POU6F1: variants seen among roughly 807,000 people sequenced by gnomAD.
POU6F1 encodes the protein POU class 6 homeobox 1, also known as POU domain, class 6, transcription factor 1.
A neutral mutation model predicts 28.9 loss-of-function variants in POU6F1; 9 were observed. The observed-to-expected ratio is 0.31, with a 90% confidence interval of 0.19 to 0.54. POU6F1 has a LOEUF of 0.54. POU6F1 is among the 20% of genes least tolerant of loss of function. POU6F1 has a pLI of 0.94. For missense variants in POU6F1, 338 were observed against 426.1 expected (o/e 0.79, Z 1.82); for synonymous variants, 173 against 171.1 (o/e 1.01, Z -0.09).
At chr12:51,213,798 C>T (rs1283803886) in intron 1 of POU6F1, among the ~76,000 whole-genome samples, 1 of 150,568 alleles carries the variant, frequency 6.6e-6, no homozygotes, top group African/African-American at 2.4e-5. Flanking sequence ...TCCCAAAGTT[C>T]TGGGATTACA....
In POU6F1 at chr12:51,187,797, T is replaced by G. The variant is rs1942120237; in HGVS notation, c.*2450A>C. ...CATCATGACACAGGACAGATGGTGT[T>G]CCCCTGCACGTCCACCACCACAGAC... On this transcript the variant is annotated 3_prime_UTR_variant, in exon 11 of 11. Coordinates refer to ENST00000333640, the MANE Select transcript of POU6F1 (RefSeq NM_001330422.2). The G allele has an allele frequency of 6.6e-6, 1 of 152,106 alleles. No individual in the cohort carries two copies. Among genetic ancestry groups the G allele is most frequent in the Non-Finnish European group, 1.5e-5 (1 of 68,026 alleles). 9.4% of individuals were successfully genotyped at this position (152,106 alleles called of 1,614,324 possible).
At chr12:51,197,656 G>A in intron 6 of POU6F1, 114 bp downstream of exon 6, 1 of 398,242 alleles carries the variant, frequency 2.5e-6, no homozygotes, top group Non-Finnish European at 4.4e-6. Context: ...TGATGTGTTG[G>A]AAAAGGGCTG....
At chr12:51,201,218 C>A (rs1943184740) in intron 3 of POU6F1, among the ~76,000 whole-genome samples, 2 of 152,176 alleles carry the variant, frequency 1.3e-5, no homozygotes, top group Admixed American at 1.3e-4. Context: ...AAGGCGTCAA[C>A]CTCAACTCAG....
chr12:51,205,640 G>T (rs992617370), intron 2 of POU6F1, among the ~76,000 whole-genome samples: 3 of 152,160 alleles, frequency 2.0e-5, no homozygotes, highest in African/African-American at 7.2e-5. Flanking sequence ...CACACTCTTT[G>T]AGCCTGAAAG....
chr12:51,191,583 C>T lies in POU6F1; in HGVS notation c.1490+13G>A, dbSNP rs766245095. On this transcript the variant is annotated intron_variant, in intron 10 of 10. Coordinates refer to ENST00000333640, the MANE Select transcript of POU6F1 (RefSeq NM_001330422.2). The stretch of plus-strand genomic sequence containing the variant: ...GAGCAGGCCCTAATCCTGTCTAGGG[C>T]AGCCTTACTCACCGGCAGATGGCTG... 1 of 1,611,280 alleles carries T rather than the reference C, an allele frequency of 6.2e-7. No individual in the cohort carries two copies. The highest frequency in any genetic ancestry group is 1.1e-5 in the South Asian group (1 of 90,954).
chr12:51,212,179 C>T (rs1030655670), intron 1 of POU6F1, among the ~76,000 whole-genome samples: 20 of 151,938 alleles, frequency 1.3e-4, no homozygotes, highest in Non-Finnish European at 2.6e-4. Flanking sequence ...CCGCAACCTC[C>T]GCCTCCCGGG....
rs1942138310 is a variant in POU6F1, at chr12:51,188,000, C to T, written c.*2247G>A. The stretch of plus-strand genomic sequence containing the variant: ...CCAGGCTGGAGTGAAGTAGTGTGAT[C>T]TCAGCTCATTGCAACCTCCAGGGTT... On this transcript the variant is annotated 3_prime_UTR_variant, in exon 11 of 11. Coordinates refer to ENST00000333640, the MANE Select transcript of POU6F1 (RefSeq NM_001330422.2). 6.6e-6 allele frequency: 1 copy of T among 152,312 alleles called. No individual in the cohort carries two copies. Among genetic ancestry groups the T allele is most frequent in the Non-Finnish European group, 1.5e-5 (1 of 68,040 alleles). The allele number at this position is 152,312 out of a possible 1,614,324, so 9.4% of individuals were successfully genotyped here. A position where few individuals can be genotyped will look rare whatever the true frequency, so the allele number is the denominator to read the frequency against.
chr12:51,215,555 CAAAAAA>C (rs11415220), intron 1 of POU6F1, among the ~76,000 whole-genome samples: 6 of 88,612 alleles, frequency 6.8e-5, no homozygotes, highest in African/African-American at 1.4e-4. Context: ...AACCCTGTCT[CAAAAAA>C]AAAAAAAAAA....
chr12:51,215,647 C>T (rs952555535), intron 1 of POU6F1, among the ~76,000 whole-genome samples: 2 of 151,992 alleles, frequency 1.3e-5, no homozygotes, highest in East Asian at 1.9e-4. Flanking sequence ...CTAAAGCGCC[C>T]GTCTAATTTC....
At chr12:51,209,925 C>T (rs1367489570) in intron 1 of POU6F1, among the ~76,000 whole-genome samples, 1 of 152,060 alleles carries the variant, frequency 6.6e-6, no homozygotes, top group East Asian at 1.9e-4. Context: ...CTCAATGGGG[C>T]TCTAGCCTCC....
intron 8 of POU6F1, among the ~76,000 whole-genome samples, chr12:51,193,443 G>C (rs559191971): frequency 1.3e-5 from 2 of 152,254 alleles, no homozygotes; most frequent in Admixed American, 1.3e-4. Flanking sequence ...AGGCGTGGTG[G>C]CACGCACCTA....
chr12:51,215,510 C>T (rs764276529), intron 1 of POU6F1, among the ~76,000 whole-genome samples: 1 of 144,034 alleles, frequency 6.9e-6, no homozygotes, highest in East Asian at 2.1e-4. Flanking sequence ...AGACCAAGAT[C>T]GCGCCACTGC....
chr12:51,198,476 C>T (rs993462764), intron 5 of POU6F1, 74 bp downstream of exon 5: 2 of 398,516 alleles, frequency 5.0e-6, no homozygotes, highest in Admixed American at 8.8e-5. Context: ...CTGAGTCCGA[C>T]ATGGCAAGCA....
At position 51,216,178 on chromosome 12, in the gene POU6F1, A is replaced by C. The variant is rs1351341322; in HGVS notation, c.-48+1464T>G. Among the ~76,000 whole-genome samples, 3 of 152,100 alleles carry C rather than the reference A, an allele frequency of 2.0e-5. No homozygotes were observed. The East Asian group carries it at 5.8e-4, about 29-fold the overall frequency. ...ACTAAGATACAAAAAAATCAGCTAG[A>C]CTCTGTCTCAAAAAAAAGAAAATGT... On this transcript the variant is annotated intron_variant, in intron 1 of 10. Transcript: ENST00000333640.
rs1942287000 is a variant in POU6F1 at position 51,190,094 on chromosome 12, G to A, written c.*153C>T. On this transcript the variant is annotated 3_prime_UTR_variant, in exon 11 of 11. Coordinates refer to ENST00000333640, the MANE Select transcript of POU6F1 (RefSeq NM_001330422.2). This position sits in a 1 kb window ranked among gnomAD's most constrained non-coding sequence, Gnocchi z 4.5. ...ATGTGAGATGTGTGGGAGAAAAGAG[G>A]GACATTGATGCACATGCACACGGTG... The A allele has an allele frequency of 7.6e-7, 1 of 1,323,082 alleles. No homozygotes were observed. Among genetic ancestry groups the A allele is most frequent in the East Asian group, 2.5e-5 (1 of 39,496 alleles). 82.0% of individuals were successfully genotyped at this position (1,323,082 alleles called of 1,614,324 possible).
chr12:51,194,486 C>T (rs1942670009), intron 8 of POU6F1, among the ~76,000 whole-genome samples: 1 of 151,836 alleles, frequency 6.6e-6, no homozygotes, highest in African/African-American at 2.4e-5. Flanking sequence ...ACAAAACATA[C>T]AAAAATTAGC....
chr12:51,197,291 G>A (rs1942898970), intron 6 of POU6F1, among the ~76,000 whole-genome samples: 1 of 152,114 alleles, frequency 6.6e-6, no homozygotes, highest in African/African-American at 2.4e-5. Context: ...GCAGGGAAGG[G>A]CAGGGCCACA....
intron 1 of POU6F1, among the ~76,000 whole-genome samples, chr12:51,213,850 A>G (rs905602917): frequency 6.6e-6 from 1 of 151,876 alleles, no homozygotes; most frequent in Non-Finnish European, 1.5e-5. Flanking sequence ...TTATCTTTAA[A>G]ATGGTGACTA....
chr12:51,194,108 C>T (rs936005841), intron 8 of POU6F1, among the ~76,000 whole-genome samples: 1 of 152,046 alleles, frequency 6.6e-6, no homozygotes, highest in Non-Finnish European at 1.5e-5. Flanking sequence ...CTCATCACAA[C>T]CTCTGCCTCC....
Sources: gnomAD v4.1 joint callset for allele counts (sites outside exome capture counted in the v4.1 genomes callset) on GRCh38, gnomAD v4.1.1 for gene constraint, Gnocchi (gnomAD v3.1) non-coding constraint, MANE v1.5 for transcripts, NCBI Gene and HGNC (gene_info 2026-07-23, HGNC 2026-07-21) for gene names.